Variants in SEMA6D observed in about 807,000 individuals in gnomAD.
SEMA6D encodes semaphorin-6D.
In SEMA6D, 35 loss-of-function variants were observed where a neutral mutation model predicts 106.6. That is an observed-to-expected ratio of 0.33 (90% CI 0.25 to 0.44). The LOEUF (loss-of-function observed/expected upper bound fraction) is 0.44, where lower values mean the gene tolerates loss of function less well. Ranked by LOEUF, SEMA6D falls within the 20% of genes least tolerant of loss-of-function variation. The pLI is 1.00. For missense variants in SEMA6D, 1,185 were observed against 1,345.9 expected (o/e 0.88, Z 1.87); for synonymous variants, 499 against 487.7 (o/e 1.02, Z -0.31).
chr15:47,367,685 C>CGT (rs1567030932), intron 1 of SEMA6D, among the ~76,000 whole-genome samples: 10 of 42,406 alleles, frequency 2.4e-4, no homozygotes, highest in South Asian at 1.1e-3. Flanking sequence ...CACACGCGCG[C>CGT]GCGCGCGCAC....
chr15:47,542,630 TA>T (rs2045391936), intron 3 of SEMA6D, among the ~76,000 whole-genome samples: 1 of 152,222 alleles, frequency 6.6e-6, no homozygotes, highest in African/African-American at 2.4e-5. Flanking sequence ...TTTACAGTAC[TA>T]TTTTGCTTCA....
intron 3 of SEMA6D, among the ~76,000 whole-genome samples, chr15:47,569,673 G>A (rs1358285287): frequency 6.6e-6 from 1 of 152,084 alleles, no homozygotes; most frequent in Non-Finnish European, 1.5e-5. Context: ...GAATACAAAA[G>A]CTGGACACTT....
chr15:47,364,189 C>T (rs2038921471), intron 1 of SEMA6D, among the ~76,000 whole-genome samples: 1 of 152,200 alleles, frequency 6.6e-6, no homozygotes, highest in Non-Finnish European at 1.5e-5. Context: ...TTAATCCTAG[C>T]ATCACTCAGT....
At chr15:47,669,728 G>A (rs554208664) in intron 4 of SEMA6D, among the ~76,000 whole-genome samples, 1 of 152,140 alleles carries the variant, frequency 6.6e-6, no homozygotes, top group South Asian at 2.1e-4. Context: ...ACACTTTCAG[G>A]GAAAGAAATG....
At chr15:47,288,724 G>A (rs767153952) in intron 1 of SEMA6D, among the ~76,000 whole-genome samples, 3 of 152,084 alleles carry the variant, frequency 2.0e-5, no homozygotes, top group Non-Finnish European at 4.4e-5. Flanking sequence ...GCAAGCAGAG[G>A]TCAGTTACTT....
intron 2 of SEMA6D, among the ~76,000 whole-genome samples, chr15:47,449,668 C>G (rs1417496082): frequency 2.0e-5 from 3 of 152,092 alleles, no homozygotes; most frequent in Non-Finnish European, 4.4e-5. Flanking sequence ...TCACATCGTA[C>G]ATGGAATTTG....
intron 3 of SEMA6D, among the ~76,000 whole-genome samples, chr15:47,477,292 C>T (rs951104255): frequency 1.3e-5 from 2 of 152,086 alleles, no homozygotes; most frequent in Admixed American, 1.3e-4. Context: ...ATGAGGAACA[C>T]CTGGTGCTCA....
At chr15:47,306,442 C>T (rs971454971) in intron 1 of SEMA6D, among the ~76,000 whole-genome samples, 1 of 152,072 alleles carries the variant, frequency 6.6e-6, no homozygotes, top group Admixed American at 6.5e-5. Flanking sequence ...AAGTTGATGG[C>T]CAGGCATGGT....
At chr15:47,765,194 A>T in intron 13 of SEMA6D, 138 bp downstream of exon 13, 1 of 1,430,540 alleles carries the variant, frequency 7.0e-7, no homozygotes, top group Non-Finnish European at 9.1e-7. Flanking sequence ...TTCTCATTGA[A>T]ATAAATCTTG....
chr15:47,448,530 C>A (rs1327172572), intron 2 of SEMA6D, among the ~76,000 whole-genome samples: 1 of 152,084 alleles, frequency 6.6e-6, no homozygotes, highest in Non-Finnish European at 1.5e-5. Flanking sequence ...CTTGTTGGAG[C>A]TCAGTAATAT....
At chr15:47,256,242 T>C (rs1339099278) in intron 1 of SEMA6D, among the ~76,000 whole-genome samples, 3 of 152,186 alleles carry the variant, frequency 2.0e-5, no homozygotes, top group African/African-American at 7.2e-5. Context: ...AAAAAAAATT[T>C]CAAAAATGTA....
At chr15:47,360,709 C>T (rs2038772276) in intron 1 of SEMA6D, among the ~76,000 whole-genome samples, 1 of 152,068 alleles carries the variant, frequency 6.6e-6, no homozygotes, top group Non-Finnish European at 1.5e-5. Context: ...TATGGCAATT[C>T]AAAAAACATT....
chr15:47,560,011 A>G (rs1474550373), intron 3 of SEMA6D, among the ~76,000 whole-genome samples: 6 of 152,168 alleles, frequency 3.9e-5, no homozygotes, highest in Admixed American at 3.3e-4. Flanking sequence ...TAGGAACATC[A>G]GCAGCTATAG....
chr15:47,359,470 G>T (rs914815697), intron 1 of SEMA6D: 2 of 152,174 alleles, frequency 1.3e-5, no homozygotes, highest in Non-Finnish European at 2.9e-5. Context: ...AAAGTGTGGG[G>T]CGACAGAGTA....
intron 3 of SEMA6D, among the ~76,000 whole-genome samples, chr15:47,487,600 A>G (rs1312692992): frequency 6.6e-6 from 1 of 152,168 alleles, no homozygotes; most frequent in Non-Finnish European, 1.5e-5. Flanking sequence ...ACTATATGTC[A>G]CTTTTCTATG....
chr15:47,190,971 A>C (rs2140947184), intron 1 of SEMA6D, among the ~76,000 whole-genome samples: 1 of 152,240 alleles, frequency 6.6e-6, no homozygotes, highest in Admixed American at 6.5e-5. Flanking sequence ...GGAGTTCCAA[A>C]CCAGCTGTGG....
At chr15:47,242,362 T>C (rs2032963731) in intron 1 of SEMA6D, among the ~76,000 whole-genome samples, 1 of 152,138 alleles carries the variant, frequency 6.6e-6, no homozygotes, top group South Asian at 2.1e-4. Context: ...CAGTAGTTGC[T>C]TTACCAAGGT....
intron 3 of SEMA6D, among the ~76,000 whole-genome samples, chr15:47,497,918 T>A (rs74554575): frequency 6.6e-6 from 1 of 152,120 alleles, no homozygotes; most frequent in African/African-American, 2.4e-5. Context: ...CCTTCATCTG[T>A]CTAATGCAAA....
chr15:47,389,506 G>T (rs281288), intron 1 of SEMA6D, among the ~76,000 whole-genome samples: 63,863 of 151,788 alleles, frequency 0.42, 14,732 homozygotes, highest in African/African-American at 0.63. Context: ...CCCTAAAAAA[G>T]AATCTAAAAT....
Sources: allele counts gnomAD v4.1 joint callset (sites outside exome capture counted in the v4.1 genomes callset), GRCh38; gene constraint gnomAD v4.1.1; transcripts MANE v1.5; gene names NCBI Gene and HGNC (gene_info 2026-07-23, HGNC 2026-07-21).